MAP4K4: variants seen among roughly 807,000 people sequenced by gnomAD.
The protein encoded by MAP4K4 is HPK/GCK-like kinase HGK.
MAP4K4 carries 38 observed loss-of-function variants against 189.6 expected under a neutral mutation model. The observed-to-expected ratio is 0.20, with a 90% CI of 0.15 to 0.26. The LOEUF is 0.26. MAP4K4 is among the 10% of genes least tolerant of loss of function. The pLI, the probability that MAP4K4 is intolerant of heterozygous loss-of-function variation, is 1.00. For synonymous variants in MAP4K4, 610 were observed against 624.3 expected (o/e 0.98, Z 0.34); for missense variants, 1,054 against 1,726.9 (o/e 0.61, Z 6.91).
At chr2:101,790,642 G>T in intron 2 of MAP4K4, 78 bp from the exon 3 acceptor site, 1 of 1,008,956 alleles carries the variant, frequency 9.9e-7, no homozygotes, top group South Asian at 1.4e-5. Flanking sequence ...CGATTTGTTG[G>T]AAACTTCAGC....
intron 2 of MAP4K4, among the ~76,000 whole-genome samples, chr2:101,716,174 T>G (rs2149372424): frequency 6.6e-6 from 1 of 152,366 alleles, no homozygotes; most frequent in East Asian, 1.9e-4. Flanking sequence ...CAGATGGCCG[T>G]GGCTCACGCC....
exon 33 of MAP4K4, chr2:101,891,470 A>T: frequency 2.0e-6 from 1 of 489,904 alleles, no homozygotes; most frequent in South Asian, 2.4e-5. Flanking sequence ...TCAAGGCTGC[A>T]ATGCAGCTGG....
intron 3 of MAP4K4, among the ~76,000 whole-genome samples, chr2:101,812,128 T>C (rs1236341407): frequency 3.3e-5 from 5 of 152,184 alleles, no homozygotes. Flanking sequence ...ATATTCAAGA[T>C]AGGTGTGTGG....
chr2:101,725,113 A>C (rs1008938732), intron 2 of MAP4K4, among the ~76,000 whole-genome samples: 3 of 152,212 alleles, frequency 2.0e-5, no homozygotes, highest in Non-Finnish European at 4.4e-5. Flanking sequence ...CCTTTCACAG[A>C]ACGTGTCCTC....
chr2:101,742,701 C>T (rs1184330123), intron 2 of MAP4K4, among the ~76,000 whole-genome samples: 1 of 152,106 alleles, frequency 6.6e-6, no homozygotes. Context: ...CTTCTTTCTG[C>T]AGTAGTTTCA....
chr2:101,876,995 T>G lies in MAP4K4; in HGVS notation c.3242-8T>G. On this transcript the variant is annotated splice_polypyrimidine_tract_variant and splice_region_variant and intron_variant, in intron 26 of 32. Transcript: ENST00000324219. ...TAAAATTGAGGCCTTTCTGTGTCCC[T>G]GAAACAGGAGTGAATTTGCTAGTGG... The G allele has an allele frequency of 1.2e-6, 2 of 1,613,798 alleles. No individual in the cohort carries two copies. The highest frequency in any genetic ancestry group is 1.7e-6 in the Non-Finnish European group (2 of 1,179,784).
At chr2:101,725,387 C>CAAAAAAAAAAAAAAAA (rs547130880) in intron 2 of MAP4K4, among the ~76,000 whole-genome samples, 1 of 110,948 alleles carries the variant, frequency 9.0e-6, no homozygotes. Context: ...AAAAGATAAG[C>CAAAAAAAAAAAAAAAA]AAAAAAAAAA....
chr2:101,785,694 C>CTTTTCCTTTTTTGAGTTGGAG (rs1558913566), intron 2 of MAP4K4, among the ~76,000 whole-genome samples: 85 of 3,346 alleles, frequency 0.025, no homozygotes, highest in South Asian at 0.066. Flanking sequence ...CTCTCTCTCT[C>CTTTTCCTTTTTTGAGTTGGAG]TCTCTCTCTC....
At chr2:101,797,544 AC>A (rs956160899) in intron 3 of MAP4K4, among the ~76,000 whole-genome samples, 6 of 150,830 alleles carry the variant, frequency 4.0e-5, no homozygotes, top group Non-Finnish European at 7.4e-5. Context: ...GTATTTTCTT[AC>A]CTTAGACAAC....
At chr2:101,880,997 T>C (rs1057026022) in intron 27 of MAP4K4, among the ~76,000 whole-genome samples, 6 of 152,192 alleles carry the variant, frequency 3.9e-5, no homozygotes, top group African/African-American at 1.4e-4. Flanking sequence ...AGTCAGCTTA[T>C]TGATATGTAC....
intron 3 of MAP4K4, among the ~76,000 whole-genome samples, chr2:101,815,998 C>T (rs1052640562): frequency 2.0e-5 from 3 of 152,174 alleles, no homozygotes; most frequent in African/African-American, 4.8e-5. Context: ...TTCTGTCCTG[C>T]GACTGCAGCT....
chr2:101,859,704 A>C, exon 15 of MAP4K4: 1 of 1,612,544 alleles, frequency 6.2e-7, no homozygotes. Context: ...AGGCAGTTGC[A>C]ACAAGAACAA....
Position 101,829,884 on chromosome 2 carries a change from T to G in MAP4K4, c.508+290T>G, listed in dbSNP as rs570868066. ...ACCTTAATGGCTTCCTATTTTACTT[T>G]GGATAAAACCTACATTTCTCACCCT... On this transcript the variant is annotated intron_variant, in intron 6 of 32. Coordinates refer to ENST00000324219, the Ensembl canonical transcript of MAP4K4. 1.2e-3 allele frequency: 315 copies of G among 256,054 alleles called. 2 individuals carry two copies. Among genetic ancestry groups the G allele is most frequent in the African/African-American group, 6.8e-3 (305 of 45,178 alleles). The allele number at this position is 256,054 out of a possible 1,614,324, so 15.9% of individuals were successfully genotyped here.
intron 12 of MAP4K4, among the ~76,000 whole-genome samples, chr2:101,848,650 C>A (rs1302291255): frequency 6.6e-6 from 1 of 152,168 alleles, no homozygotes; most frequent in Non-Finnish European, 1.5e-5. Context: ...CCTGTCTCTG[C>A]ACCCTTTTTG....
chr2:101,891,047 C>G lies in MAP4K4; in HGVS notation c.4072-119C>G, dbSNP rs567385229. 58 of 773,336 alleles carry G rather than the reference C, an allele frequency of 7.5e-5. 1 individual carries two copies. The South Asian group carries it at 8.9e-4, about 12-fold the overall frequency. 47.9% of individuals were successfully genotyped at this position (773,336 alleles called of 1,614,324 possible). On this transcript the variant is annotated intron_variant, in intron 32 of 32. Transcript: ENST00000324219. The stretch of plus-strand genomic sequence containing the variant: ...CCTCAGAGTTTCTTTTGAAAAGGCT[C>G]TTTGGGAGTCTAAGCTTCTCGTACT...
At chr2:101,879,430 T>C (rs1321356890) in intron 27 of MAP4K4, among the ~76,000 whole-genome samples, 1 of 152,064 alleles carries the variant, frequency 6.6e-6, no homozygotes, top group Non-Finnish European at 1.5e-5. Flanking sequence ...TAACATTTTA[T>C]ATTTCCCTCT....
chr2:101,699,377 C>T (rs994017570), intron 2 of MAP4K4, among the ~76,000 whole-genome samples: 11 of 152,338 alleles, frequency 7.2e-5, no homozygotes, highest in African/African-American at 2.4e-4. Flanking sequence ...ATTGTACAGT[C>T]TAGAGATTAT....
At chr2:101,803,066 G>A (rs1444158635) in intron 3 of MAP4K4, among the ~76,000 whole-genome samples, 1 of 152,322 alleles carries the variant, frequency 6.6e-6, no homozygotes, top group Non-Finnish European at 1.5e-5. Flanking sequence ...GGTTACAGGC[G>A]TCAGCCACTG....
intron 19 of MAP4K4, 139 bp from the exon 20 acceptor site, chr2:101,867,073 C>G (rs1032646543): frequency 6.5e-6 from 4 of 616,824 alleles, no homozygotes; most frequent in Admixed American, 2.9e-5. Context: ...GCCCCCTCTG[C>G]TCTGTAATTC....
Sources: gnomAD v4.1 joint callset for allele counts (sites outside exome capture counted in the v4.1 genomes callset) on GRCh38, gnomAD v4.1.1 for gene constraint, MANE v1.5 for transcripts, NCBI Gene and HGNC (gene_info 2026-07-23, HGNC 2026-07-21) for gene names.